Variants in ME1 observed in about 807,000 individuals in gnomAD.
ME1 encodes malic enzyme 1, also known as NADP-dependent malic enzyme.
ME1 carries 74 observed loss-of-function variants against 66.4 expected under a neutral mutation model. The ratio of observed to expected loss-of-function variants is 1.11; its 90% CI spans 0.92 to 1.35. The LOEUF is 1.35. ME1 is among the 40% of genes most tolerant of loss of function. The pLI, the probability that ME1 is intolerant of heterozygous loss-of-function variation, is 0.00. For synonymous variants in ME1, 251 were observed against 235.6 expected (o/e 1.07, Z -0.60); for missense variants, 750 against 694.1 (o/e 1.08, Z -0.90).
chr6:83,218,485 G>A (rs936081028), intron 12 of ME1, among the ~76,000 whole-genome samples: 2 of 152,176 alleles, frequency 1.3e-5, no homozygotes, highest in African/African-American at 4.8e-5. Context: ...GAGCCAGACA[G>A]ACAGGGTGGC....
At chr6:83,221,275 A>C (rs967210575) in intron 12 of ME1, among the ~76,000 whole-genome samples, 1 of 152,242 alleles carries the variant, frequency 6.6e-6, no homozygotes, top group Admixed American at 6.5e-5. Flanking sequence ...AGTGTGTAAT[A>C]AAGACAGTCA....
intron 6 of ME1, among the ~76,000 whole-genome samples, chr6:83,305,407 A>G (rs1290532532): frequency 6.6e-6 from 1 of 152,160 alleles, no homozygotes; most frequent in Non-Finnish European, 1.5e-5. Flanking sequence ...AGAAGATGGG[A>G]CAGGTTTCAG....
chr6:83,327,293 A>G (rs1768313648), intron 5 of ME1, among the ~76,000 whole-genome samples: 1 of 152,250 alleles, frequency 6.6e-6, no homozygotes, highest in African/African-American at 2.4e-5. Flanking sequence ...TGTTCAGGGA[A>G]TAAGAGAGAT....
At chr6:83,238,027 C>T (rs929908246) in intron 8 of ME1, among the ~76,000 whole-genome samples, 197 bp from the exon 9 acceptor site, 2 of 152,156 alleles carry the variant, frequency 1.3e-5, no homozygotes, top group Non-Finnish European at 2.9e-5. Flanking sequence ...CACAGATAAA[C>T]TGGTGATATC....
chr6:83,271,707 C>A (rs1767084748), intron 6 of ME1, among the ~76,000 whole-genome samples: 1 of 152,064 alleles, frequency 6.6e-6, no homozygotes, highest in South Asian at 2.1e-4. Flanking sequence ...TCAGAGCAAT[C>A]TTGGTGGCAA....
chr6:83,401,376 G>A (rs987458059), intron 2 of ME1, among the ~76,000 whole-genome samples: 11 of 152,008 alleles, frequency 7.2e-5, no homozygotes, highest in Non-Finnish European at 1.3e-4. Context: ...AATTTCATGA[G>A]GTCAGAGATC....
At chr6:83,427,282 T>C (rs1445252540) in intron 1 of ME1, among the ~76,000 whole-genome samples, 1 of 152,198 alleles carries the variant, frequency 6.6e-6, no homozygotes, top group Non-Finnish European at 1.5e-5. Flanking sequence ...CTTAGACTCA[T>C]ACATGAATCA....
In ME1 at chr6:83,234,827, G is replaced by T. The variant is rs139051593; in HGVS notation, c.1026+2890C>A. The stretch of plus-strand genomic sequence containing the variant: ...GAAAGCCCTTCATCTCTTATCATCT[G>T]CTTCCTTTCTAATATAATCTGTAAA... On this transcript the variant is annotated intron_variant, in intron 9 of 13. Transcript: ENST00000369705. 2.5e-3 allele frequency among the ~76,000 whole-genome samples: 386 copies of T among 152,176 alleles called. 2 individuals are homozygous for T. The highest frequency in any genetic ancestry group is 9.0e-3 in the African/African-American group (372 of 41,504).
intron 9 of ME1, among the ~76,000 whole-genome samples, chr6:83,236,027 T>C (rs1324436750): frequency 6.6e-6 from 1 of 152,096 alleles, no homozygotes; most frequent in African/African-American, 2.4e-5. Flanking sequence ...ATGACTTTCA[T>C]ATACAACTGT....
intron 6 of ME1, among the ~76,000 whole-genome samples, chr6:83,258,994 G>A (rs928970106): frequency 6.6e-6 from 1 of 152,078 alleles, no homozygotes; most frequent in African/African-American, 2.4e-5. Context: ...AACATACCAG[G>A]TCCTTTTATT....
At chr6:83,374,977 T>C (rs1769259532) in intron 3 of ME1, among the ~76,000 whole-genome samples, 1 of 152,158 alleles carries the variant, frequency 6.6e-6, no homozygotes, top group Non-Finnish European at 1.5e-5. Context: ...GTACTAGCAC[T>C]ATGCTGTTGT....
intron 5 of ME1, among the ~76,000 whole-genome samples, chr6:83,323,921 G>C (rs886655178): frequency 5.9e-5 from 9 of 152,016 alleles, no homozygotes; most frequent in Non-Finnish European, 1.2e-4. Flanking sequence ...TTCTAAAATT[G>C]ACCCCACAAT....
chr6:83,215,594 T>A (rs1386845552), intron 13 of ME1, among the ~76,000 whole-genome samples: 1 of 152,166 alleles, frequency 6.6e-6, no homozygotes, highest in Non-Finnish European at 1.5e-5. Flanking sequence ...ACGGTTAGAA[T>A]GGTCTATAAT....
At chr6:83,233,918 CTT>C (rs1790347323) in intron 9 of ME1, among the ~76,000 whole-genome samples, 1 of 151,900 alleles carries the variant, frequency 6.6e-6, no homozygotes. Flanking sequence ...AAAAGTGAAA[CTT>C]AATATGTATC....
In ME1 at chr6:83,326,731, C is replaced by T. The variant is rs557345915; in HGVS notation, c.601-11318G>A. On this transcript the variant is annotated intron_variant, in intron 5 of 13. Coordinates refer to ENST00000369705, the MANE Select transcript of ME1 (RefSeq NM_002395.6). ...TGGTAATTGTTAAAAAGTCAGGAAA[C>T]AACAGATGCTGGAGAGGATATGGAG... 1.2e-4 allele frequency among the ~76,000 whole-genome samples: 18 copies of T among 152,238 alleles called. No individual in the cohort carries two copies. In the South Asian group the frequency reaches 3.7e-3, roughly 32 times the overall value.
chr6:83,249,842 C>T (rs1430700671), intron 7 of ME1, among the ~76,000 whole-genome samples: 1 of 152,130 alleles, frequency 6.6e-6, no homozygotes, highest in East Asian at 1.9e-4. Flanking sequence ...ATTCTTCAAC[C>T]CCATTGGAAT....
At chr6:83,325,582 G>A (rs908517541) in intron 5 of ME1, among the ~76,000 whole-genome samples, 6 of 152,158 alleles carry the variant, frequency 3.9e-5, no homozygotes, top group African/African-American at 1.4e-4. Flanking sequence ...TAAGCAAATA[G>A]AGAGCCAAAT....
intron 3 of ME1, among the ~76,000 whole-genome samples, chr6:83,393,593 A>G (rs1348055251): frequency 4.2e-5 from 5 of 118,784 alleles, no homozygotes; most frequent in Non-Finnish European, 9.4e-5. Flanking sequence ...CATCAATAAA[A>G]TCCCCTGTGC....
At chr6:83,393,456 G>A (rs1417495683) in intron 3 of ME1, 6 of 549,968 alleles carry the variant, frequency 1.1e-5, no homozygotes, top group Non-Finnish European at 2.0e-5. Context: ...GGAAGAGAGC[G>A]GCCCTCACTG....
Sources: gnomAD v4.1 joint callset for allele counts (sites outside exome capture counted in the v4.1 genomes callset) on GRCh38, gnomAD v4.1.1 for gene constraint, MANE v1.5 for transcripts, NCBI Gene and HGNC (gene_info 2026-07-23, HGNC 2026-07-21) for gene names.